ADAMTS12: variants seen among roughly 807,000 people sequenced by gnomAD.
ADAMTS12 encodes the protein ADAM metallopeptidase with thrombospondin type 1 motif 12.
A neutral mutation model predicts 167.8 loss-of-function variants in ADAMTS12; 118 were observed. The ratio of observed to expected loss-of-function variants is 0.70; its 90% CI spans 0.61 to 0.82. The LOEUF is 0.82. ADAMTS12 is among the 40% of genes least tolerant of loss of function. The probability of loss-of-function intolerance (pLI) is 0.00; values close to 1 mark genes in which losing one functional copy is unlikely to be tolerated. For missense variants in ADAMTS12, 1,916 were observed against 1,998.8 expected (o/e 0.96, Z 0.79); for synonymous variants, 704 against 716.9 (o/e 0.98, Z 0.29).
At chr5:33,716,701 C>T (rs1743627876) in intron 3 of ADAMTS12, among the ~76,000 whole-genome samples, 2 of 152,208 alleles carry the variant, frequency 1.3e-5, no homozygotes, top group Admixed American at 1.3e-4. Flanking sequence ...GAACACAGTT[C>T]AGCCACGAAC....
At chr5:33,844,057 G>T (rs1331341749) in intron 2 of ADAMTS12, among the ~76,000 whole-genome samples, 1 of 152,036 alleles carries the variant, frequency 6.6e-6, no homozygotes, top group Non-Finnish European at 1.5e-5. Flanking sequence ...AAGATTTCAT[G>T]GACACTTATC....
In ADAMTS12 at chr5:33,849,437, AATATATATATGTATTGCACAGCAAT is replaced by A. The variant is rs1561306743; in HGVS notation, c.489+31657_489+31681del. 1.3e-4 allele frequency among the ~76,000 whole-genome samples: 9 copies of A among 71,924 alleles called. No individual in the cohort carries two copies. The South Asian group carries it at 1.6e-3, about 13-fold the overall frequency. The allele number at this position is 71,924 out of a possible 152,430, so 47.2% of individuals were successfully genotyped here. On this transcript the variant is annotated intron_variant, in intron 2 of 23. Coordinates refer to ENST00000504830, the MANE Select transcript of ADAMTS12 (RefSeq NM_030955.4). ...GCAATATATATATGTATTGAATAGC[AATATATATATGTATTGCACAGCAAT>A]ATATATATATGTATTGCACAGCAAT...
chr5:33,764,061 T>A (rs1447495551), intron 2 of ADAMTS12, among the ~76,000 whole-genome samples: 1 of 152,200 alleles, frequency 6.6e-6, no homozygotes, highest in Non-Finnish European at 1.5e-5. Context: ...TGGCTTCTTC[T>A]ATAAAACCAG....
At chr5:33,766,508 G>A (rs1745539775) in intron 2 of ADAMTS12, among the ~76,000 whole-genome samples, 1 of 152,112 alleles carries the variant, frequency 6.6e-6, no homozygotes, top group East Asian at 1.9e-4. Context: ...GTGTATAACT[G>A]AGTTACTAGT....
chr5:33,750,458 G>T (rs1744934049), intron 3 of ADAMTS12, among the ~76,000 whole-genome samples: 1 of 152,138 alleles, frequency 6.6e-6, no homozygotes, highest in South Asian at 2.1e-4. Context: ...CAAAGCTCCA[G>T]TTCTGAGTCC....
intron 2 of ADAMTS12, among the ~76,000 whole-genome samples, chr5:33,830,380 C>A (rs1215077835): frequency 6.6e-6 from 1 of 152,182 alleles, no homozygotes; most frequent in Non-Finnish European, 1.5e-5. Context: ...GAAGTATATT[C>A]ACAAGAGAAG....
chr5:33,646,146 G>A (rs1244709828), intron 9 of ADAMTS12, among the ~76,000 whole-genome samples: 1 of 152,154 alleles, frequency 6.6e-6, no homozygotes, highest in Non-Finnish European at 1.5e-5. Flanking sequence ...GCTGACCAGA[G>A]ATAACTTGGG....
intron 18 of ADAMTS12, among the ~76,000 whole-genome samples, chr5:33,579,870 C>CAA (rs1746968587): frequency 6.6e-6 from 1 of 152,190 alleles, no homozygotes; most frequent in Non-Finnish European, 1.5e-5. Context: ...GTGATCATAA[C>CAA]AAAAGGCTTG....
At chr5:33,850,630 A>T (rs1257362434) in intron 2 of ADAMTS12, among the ~76,000 whole-genome samples, 2 of 152,170 alleles carry the variant, frequency 1.3e-5, no homozygotes, top group East Asian at 3.8e-4. Context: ...CAGCACAGAA[A>T]ATGTTACAGT....
chr5:33,738,733 A>G (rs1052226662), intron 3 of ADAMTS12, among the ~76,000 whole-genome samples: 2 of 152,242 alleles, frequency 1.3e-5, no homozygotes, highest in Non-Finnish European at 2.9e-5. Context: ...GGACGGAGCC[A>G]GTCCTCAAGC....
intron 21 of ADAMTS12, among the ~76,000 whole-genome samples, chr5:33,547,002 A>C (rs150868204): frequency 6.6e-6 from 1 of 152,190 alleles, no homozygotes; most frequent in Non-Finnish European, 1.5e-5. Flanking sequence ...CAGGGAAATT[A>C]TATGCAATTA....
Position 33,569,860 on chromosome 5 carries a change from C to T in ADAMTS12, c.3972+6194G>A, listed in dbSNP as rs62351107. On this transcript the variant is annotated intron_variant, in intron 19 of 23. Transcript: ENST00000504830. ...TTGAAAACTTTGAAAAAAATTTAGA[C>T]GAATGTATAACTAGAATAACCAATA... 6.8e-3 allele frequency among the ~76,000 whole-genome samples: 1,041 copies of T among 152,160 alleles called. 5 individuals are homozygous for T. Among genetic ancestry groups the T allele is most frequent in the South Asian group, 0.013 (63 of 4,808 alleles).
intron 16 of ADAMTS12, among the ~76,000 whole-genome samples, chr5:33,604,512 AAAAAG>A (rs1229635828): frequency 1.3e-5 from 2 of 151,142 alleles, no homozygotes; most frequent in East Asian, 1.9e-4. Flanking sequence ...AAAATTAAAA[AAAAAG>A]AAAAGAAAAG....
At chr5:33,876,669 AT>A (rs1199037227) in intron 2 of ADAMTS12, among the ~76,000 whole-genome samples, 6 of 152,164 alleles carry the variant, frequency 3.9e-5, no homozygotes, top group African/African-American at 1.4e-4. Context: ...CTCAAAATGG[AT>A]TATGGACTTA....
chr5:33,547,138 G>T (rs1443494419), intron 21 of ADAMTS12, among the ~76,000 whole-genome samples: 3 of 152,128 alleles, frequency 2.0e-5, no homozygotes, highest in Non-Finnish European at 4.4e-5. Flanking sequence ...AGAGGGAGAG[G>T]AATTCCACAT....
intron 17 of ADAMTS12, among the ~76,000 whole-genome samples, chr5:33,593,596 G>A (rs1278213871): frequency 6.6e-6 from 1 of 152,014 alleles, no homozygotes; most frequent in African/African-American, 2.4e-5. Flanking sequence ...CAAATACCAT[G>A]TCATGTTCTG....
chr5:33,556,810 G>C (rs1458568632), intron 20 of ADAMTS12, among the ~76,000 whole-genome samples: 1 of 152,222 alleles, frequency 6.6e-6, no homozygotes, highest in Non-Finnish European at 1.5e-5. Context: ...CTGAAAGCAA[G>C]GGAAAGCCAG....
Position 33,881,090 on chromosome 5 carries a change from A to C in ADAMTS12, c.489+29T>G, listed in dbSNP as rs773376804. Reference sequence around the variant, plus strand: ...GCTGAGACTCTAGGGGCCAGGGCAGAGGAAGGAGATGCCAGAGCCCACACT... The same window carrying C: ...GCTGAGACTCTAGGGGCCAGGGCAGCGGAAGGAGATGCCAGAGCCCACACT... On this transcript the variant is annotated intron_variant, in intron 2 of 23. Coordinates refer to ENST00000504830, the MANE Select transcript of ADAMTS12 (RefSeq NM_030955.4). The C allele has an allele frequency of 1.9e-6, 3 of 1,605,074 alleles. No homozygotes were observed. In the South Asian group the frequency reaches 3.3e-5, roughly 18 times the overall value.
intron 5 of ADAMTS12, among the ~76,000 whole-genome samples, chr5:33,671,131 A>G (rs1741677922): frequency 6.6e-6 from 1 of 152,204 alleles, no homozygotes; most frequent in African/African-American, 2.4e-5. Flanking sequence ...ATTATCACAG[A>G]GCAGATTAGT....
Sources: allele counts gnomAD v4.1 joint callset (sites outside exome capture counted in the v4.1 genomes callset), GRCh38; gene constraint gnomAD v4.1.1; transcripts MANE v1.5; gene names NCBI Gene and HGNC (gene_info 2026-07-23, HGNC 2026-07-21).